Variants in CALN1 observed in about 807,000 individuals in gnomAD.
CALN1 encodes the protein calneuron 1.
CALN1 carries 17 observed loss-of-function variants against 30.6 expected under a neutral mutation model. The observed-to-expected ratio is 0.56, with a 90% CI of 0.38 to 0.83. The LOEUF (loss-of-function observed/expected upper bound fraction) is 0.83. Among genes scored for constraint, CALN1 ranks in the 40% least tolerant of loss-of-function variants. The pLI is 0.00. For synonymous variants in CALN1, 156 were observed against 131.4 expected, an observed-to-expected ratio of 1.19 and a Z score of -1.28; for missense variants, 291 against 354.9, an observed-to-expected ratio of 0.82 and a Z score of 1.45.
At chr7:72,205,551 A>AAATATATACATATATATACATAT in intron 3 of CALN1, among the ~76,000 whole-genome samples, 17 of 83,040 alleles carry the variant, frequency 2.0e-4, no homozygotes, top group African/African-American at 1.1e-3. Flanking sequence ...GCAAAAAAAA[A>AAATATATACATATATATACATAT]ATATATATAT....
rs1806456865 is a variant in CALN1, at chr7:72,403,197, A to AC, written c.119+53dup. 7 of 1,429,898 alleles carry AC rather than the reference A, an allele frequency of 4.9e-6. No individual in the cohort carries two copies. In the South Asian group the frequency reaches 5.0e-5, roughly 10 times the overall value. 88.6% of individuals were successfully genotyped at this position (1,429,898 alleles called of 1,614,324 possible). A position where few individuals can be genotyped will look rare whatever the true frequency, so the allele number is the denominator to read the frequency against. ...CCTCCTGGACCCCGCGCCACCCCCT[A>AC]CCTGAGGGCTGCCAAACAATCTAGG... On this transcript the variant is annotated intron_variant, in intron 2 of 6. Transcript: ENST00000395275.
At chr7:72,227,454 T>C (rs1178561162) in intron 3 of CALN1, among the ~76,000 whole-genome samples, 1 of 150,746 alleles carries the variant, frequency 6.6e-6, no homozygotes. Context: ...GCAGGAGAAC[T>C]GCTTGAACCT....
chr7:72,211,801 T>G (rs1211303564), intron 3 of CALN1, among the ~76,000 whole-genome samples: 1 of 152,118 alleles, frequency 6.6e-6, no homozygotes, highest in Non-Finnish European at 1.5e-5. Flanking sequence ...GGGTTTGAAT[T>G]AACTTTCTTC....
At chr7:72,130,494 G>A (rs1809064950) in intron 3 of CALN1, among the ~76,000 whole-genome samples, 1 of 152,038 alleles carries the variant, frequency 6.6e-6, no homozygotes, top group African/African-American at 2.4e-5. Flanking sequence ...CAATGTGCTT[G>A]TAAATATTAG....
intron 1 of CALN1, among the ~76,000 whole-genome samples, chr7:72,434,775 T>G (rs1186192582): frequency 6.6e-6 from 1 of 152,138 alleles, no homozygotes; most frequent in East Asian, 1.9e-4. Context: ...ATCCTCCAAC[T>G]CCCCACAGAG....
intron 4 of CALN1, among the ~76,000 whole-genome samples, chr7:72,089,487 T>C (rs528578965): frequency 6.6e-6 from 1 of 152,218 alleles, no homozygotes; most frequent in East Asian, 1.9e-4. Context: ...AAAAGGGCTC[T>C]CAGAATAATT....
At chr7:72,445,207 A>G (rs74907361) in intron 1 of CALN1, among the ~76,000 whole-genome samples, 2,539 of 152,232 alleles carry the variant, frequency 0.017, 58 homozygotes, top group African/African-American at 0.058. Flanking sequence ...AGTGACATCT[A>G]TTTCAAGCCT....
intron 1 of CALN1, among the ~76,000 whole-genome samples, chr7:72,441,969 C>T (rs1341368227): frequency 6.6e-6 from 1 of 152,042 alleles, no homozygotes; most frequent in East Asian, 1.9e-4. Flanking sequence ...ACATGAGAAA[C>T]ACCCGACTCC....
chr7:72,043,701 T>A (rs138556346), intron 4 of CALN1, among the ~76,000 whole-genome samples: 3 of 152,028 alleles, frequency 2.0e-5, no homozygotes, highest in African/African-American at 7.2e-5. Flanking sequence ...AGCCCAGGAG[T>A]TTCAGGCTGC....
chr7:71,994,639 A>G (rs1466495937), intron 5 of CALN1, among the ~76,000 whole-genome samples: 2 of 152,130 alleles, frequency 1.3e-5, no homozygotes, highest in Non-Finnish European at 2.9e-5. Flanking sequence ...AGTGAGGTTA[A>G]GAGCAAAAGT....
rs981545006 is a variant in CALN1 at position 72,184,813 on chromosome 7, G to C, written c.245-78519C>G. Among the ~76,000 whole-genome samples, 5 of 150,230 alleles carry C rather than the reference G, an allele frequency of 3.3e-5. No individual in the cohort carries two copies. In the East Asian group the frequency reaches 7.8e-4, roughly 24 times the overall value. ...TTTTTCTTTTTCTTATTTTTTTTTAGAGACAGCCTTACTCTGTCACCCAGG... is the reference window on the plus strand; with the variant it reads ...TTTTTCTTTTTCTTATTTTTTTTTACAGACAGCCTTACTCTGTCACCCAGG... On this transcript the variant is annotated intron_variant, in intron 3 of 6. Coordinates refer to ENST00000395275, the MANE Select transcript of CALN1 (RefSeq NM_031468.4).
chr7:72,337,077 G>T (rs1363038272), intron 2 of CALN1: 3 of 985,608 alleles, frequency 3.0e-6, no homozygotes, highest in Admixed American at 1.2e-4. Flanking sequence ...CTGGCCGCGC[G>T]GGTTCAGCCC....
At chr7:71,840,906 T>C (rs1339101258) in intron 5 of CALN1, among the ~76,000 whole-genome samples, 3 of 152,096 alleles carry the variant, frequency 2.0e-5, no homozygotes, top group African/African-American at 7.2e-5. Flanking sequence ...TACTAAGATA[T>C]GTGGGTGTGT....
At chr7:72,132,045 G>A (rs568137449) in intron 3 of CALN1, among the ~76,000 whole-genome samples, 25 of 152,214 alleles carry the variant, frequency 1.6e-4, no homozygotes, top group Middle Eastern at 6.8e-3. Context: ...CAATGTATAT[G>A]CAATATATGT....
intron 4 of CALN1, among the ~76,000 whole-genome samples, chr7:72,097,170 G>A (rs1165434955): frequency 6.6e-6 from 1 of 152,018 alleles, no homozygotes; most frequent in East Asian, 1.9e-4. Context: ...GGGGTGGGGG[G>A]AGAGGGGAGG....
At chr7:72,256,455 T>C (rs1795918601) in intron 3 of CALN1, among the ~76,000 whole-genome samples, 1 of 151,698 alleles carries the variant, frequency 6.6e-6, no homozygotes. Context: ...CAAGACCCCA[T>C]CTCTAAAAAA....
chr7:72,453,198 G>A, the CALN1 span, among the ~76,000 whole-genome samples: 1 of 152,180 alleles, frequency 6.6e-6, no homozygotes, highest in Non-Finnish European at 1.5e-5. Flanking sequence ...GCTTCACTCA[G>A]GAAAGAATTC....
At chr7:72,075,493 T>TAG (rs1409391142) in intron 4 of CALN1, among the ~76,000 whole-genome samples, 1 of 152,184 alleles carries the variant, frequency 6.6e-6, no homozygotes, top group Non-Finnish European at 1.5e-5. Flanking sequence ...TTACTGTAGT[T>TAG]TTCTGTCTAC....
At chr7:72,176,263 G>C (rs1789348686) in intron 3 of CALN1, among the ~76,000 whole-genome samples, 1 of 152,198 alleles carries the variant, frequency 6.6e-6, no homozygotes. Flanking sequence ...GGCTTTGGAA[G>C]AACTTTGTGG....
Sources: allele counts gnomAD v4.1 joint callset (sites outside exome capture counted in the v4.1 genomes callset), GRCh38; gene constraint gnomAD v4.1.1; transcripts MANE v1.5; gene names NCBI Gene and HGNC (gene_info 2026-07-23, HGNC 2026-07-21).